The following ACSBG2 variants were observed in gnomAD, a reference collection of about 807,000 sequenced individuals.
ACSBG2 encodes long-chain-fatty-acid--CoA ligase ACSBG2.
In ACSBG2, 62 loss-of-function variants were observed where a neutral mutation model predicts 74.7. The ratio of observed to expected loss-of-function variants is 0.83; its 90% confidence interval spans 0.68 to 1.03. The LOEUF is 1.03. ACSBG2 is among the 50% of genes least tolerant of loss of function. The probability of loss-of-function intolerance (pLI) is 0.00; values close to 1 mark genes in which losing one functional copy is unlikely to be tolerated. For missense variants in ACSBG2, 730 were observed against 817.6 expected, an observed-to-expected ratio of 0.89 and a Z score of 1.31; for synonymous variants, 309 against 294.1, an observed-to-expected ratio of 1.05 and a Z score of -0.52.
At chr19:6,156,650 A>G in intron 5 of ACSBG2, 99 bp downstream of exon 5, 2 of 1,306,280 alleles carry the variant, frequency 1.5e-6, no homozygotes, top group Non-Finnish European at 2.0e-6. Flanking sequence ...TAATGATAAG[A>G]TAGGGCCATG....
In ACSBG2 at chr19:6,152,323, G is replaced by A. The variant is rs1600038199; in HGVS notation, c.386+528G>A. ...TTTTGAGACGGAGTCTCGCTCTGTC[G>A]CCCAGGCCGGACTGCGGACTGCAGT... On this transcript the variant is annotated intron_variant, in intron 4 of 14. Coordinates refer to ENST00000588485, the MANE Select transcript of ACSBG2 (RefSeq NM_030924.5). 1.4e-4 allele frequency among the ~76,000 whole-genome samples: 3 copies of A among 21,730 alleles called. 1 individual carries two copies. Among genetic ancestry groups the A allele is most frequent in the African/African-American group, 2.1e-4 (2 of 9,386 alleles). 14.3% of individuals were successfully genotyped at this position (21,730 alleles called of 152,430 possible).
rs1391020230 is a variant in ACSBG2 at position 6,180,216 on chromosome 19, T to G, written c.907-2535T>G. On this transcript the variant is annotated intron_variant, in intron 8 of 14. Transcript: ENST00000588485. This position sits in a 1 kb window ranked among gnomAD's most constrained non-coding sequence, Gnocchi z 4.3. ...CTTAATCCCATCTACAAAGTCCCTT[T>G]TGCCATGAAAGATTACATATTCACA... Among the ~76,000 whole-genome samples the G allele has an allele frequency of 6.6e-6, 1 of 152,134 alleles. No homozygotes were observed. The highest frequency in any genetic ancestry group is 2.4e-5 in the African/African-American group (1 of 41,424).
intron 3 of ACSBG2, among the ~76,000 whole-genome samples, chr19:6,151,036 C>T (rs1056383314): frequency 6.3e-4 from 95 of 151,218 alleles, no homozygotes; most frequent in Admixed American, 3.3e-3. Flanking sequence ...ATCGCTTGAA[C>T]CCAGGAGACG....
At chr19:6,143,383 C>CAA (rs56118743) in intron 2 of ACSBG2, among the ~76,000 whole-genome samples, 8 of 150,234 alleles carry the variant, frequency 5.3e-5, no homozygotes, top group Non-Finnish European at 7.4e-5. Flanking sequence ...GACTCTGTCT[C>CAA]AAAAAAACAA....
At position 6,182,802 on chromosome 19, in the gene ACSBG2, G is replaced by A. The variant is rs780871830; in HGVS notation, c.958G>A (p.Val320Met). 4 of 1,614,068 alleles carry A rather than the reference G, an allele frequency of 2.5e-6. No homozygotes were observed. The African/African-American group carries it at 4.0e-5, about 16-fold the overall frequency. ...GGTAAAACCTACTGTCTTCATTGGA[G>A]TGCCTCAAATTTGGGAGAAGATACA... ...KEVKPTVFIG[V>M]PQIWEKIHEM... Residue 320 changes from valine (V) to methionine (M), a missense_variant, in exon 9 of 15, where the codon GTG becomes ATG. Transcript: ENST00000588485.
intron 7 of ACSBG2, chr19:6,175,738 A>G (rs1035279738): frequency 6.6e-6 from 1 of 152,240 alleles, no homozygotes; most frequent in Non-Finnish European, 1.5e-5. Context: ...TGACAAAATT[A>G]TAGGTACACT....
intron 3 of ACSBG2, among the ~76,000 whole-genome samples, chr19:6,149,665 C>T (rs893258678): frequency 1.3e-5 from 2 of 152,108 alleles, no homozygotes; most frequent in Non-Finnish European, 1.5e-5. Flanking sequence ...TGCTGCCACG[C>T]CCGGCTAATT....
chr19:6,140,223 T>TAAAA (rs1599979553), intron 1 of ACSBG2, among the ~76,000 whole-genome samples: 1 of 36,096 alleles, frequency 2.8e-5, no homozygotes, highest in Non-Finnish European at 7.8e-5. Flanking sequence ...AGACTCCGTC[T>TAAAA]CAAAAAAAAA....
intron 13 of ACSBG2, 89 bp from the exon 14 acceptor site, chr19:6,190,495 A>G (rs2090531669): frequency 8.7e-7 from 1 of 1,143,492 alleles, no homozygotes; most frequent in Non-Finnish European, 1.3e-6. Context: ...GCCTAGCCCC[A>G]GGCATGGGAC....
At chr19:6,159,949 G>A (rs1019668889) in intron 5 of ACSBG2, among the ~76,000 whole-genome samples, 2 of 152,218 alleles carry the variant, frequency 1.3e-5, no homozygotes, top group Middle Eastern at 3.4e-3. Context: ...GCTGCTATAC[G>A]GGCTTCTGCC....
intron 1 of ACSBG2, among the ~76,000 whole-genome samples, chr19:6,137,941 ACC>A (rs1215441861): frequency 1.3e-5 from 2 of 152,210 alleles, no homozygotes; most frequent in African/African-American, 4.8e-5. Flanking sequence ...GGCATGAGCC[ACC>A]ATGCTTGGCA....
chr19:6,151,809 C>T lies in ACSBG2; in HGVS notation c.386+14C>T. 6.3e-7 allele frequency: 1 copy of T among 1,579,046 alleles called. No homozygotes were observed. Among genetic ancestry groups the T allele is most frequent in the Non-Finnish European group, 8.6e-7 (1 of 1,161,514 alleles). On this transcript the variant is annotated intron_variant, in intron 4 of 14. Coordinates refer to ENST00000588485, the MANE Select transcript of ACSBG2 (RefSeq NM_030924.5). Reference sequence around the variant, plus strand: ...CATCCTAGCCGGGTAAGGTCATTGGCTTGGTTCATGGTGAGGGTTAAGGAG... The same window carrying T: ...CATCCTAGCCGGGTAAGGTCATTGGTTTGGTTCATGGTGAGGGTTAAGGAG...
At chr19:6,156,320 G>A in intron 4 of ACSBG2, 111 bp from the exon 5 acceptor site, 2 of 1,214,044 alleles carry the variant, frequency 1.6e-6, no homozygotes, top group Non-Finnish European at 2.2e-6. Context: ...TGGTGCTGTG[G>A]CTGCAAACTT....
chr19:6,171,296 G>A (rs1284331172), intron 7 of ACSBG2, among the ~76,000 whole-genome samples: 1 of 152,000 alleles, frequency 6.6e-6, no homozygotes, highest in East Asian at 1.9e-4. Context: ...TGATTGTTTA[G>A]TTGCTTTATA....
Position 6,187,616 on chromosome 19 carries a change from G to A in ACSBG2, c.1698G>A (p.Met566Ile). 2 of 1,614,104 alleles carry A rather than the reference G, an allele frequency of 1.2e-6. No individual in the cohort carries two copies. Among genetic ancestry groups the A allele is most frequent in the African/African-American group, 2.7e-5 (2 of 75,002 alleles). ...LLTLKCEMNQMSGEPLDKLNF... is the reference protein window; with the variant it reads ...LLTLKCEMNQISGEPLDKLNF... ...GGGGGCAGTGTGAGATGAATCAGAT[G>A]AGCGGAGAACCTCTGGACAAGCTGA... Residue 566 changes from methionine to isoleucine, a missense_variant, in exon 13 of 15, where the codon ATG becomes ATA. Coordinates refer to ENST00000588485, the MANE Select transcript of ACSBG2 (RefSeq NM_030924.5).
chr19:6,187,584 G>C lies in ACSBG2; in HGVS notation c.1681-15G>C, dbSNP rs554798103. 7 of 1,613,818 alleles carry C rather than the reference G, an allele frequency of 4.3e-6. No individual in the cohort carries two copies. The highest frequency in any genetic ancestry group is 5.9e-6 in the Non-Finnish European group (7 of 1,179,938). On this transcript the variant is annotated splice_polypyrimidine_tract_variant and intron_variant, in intron 12 of 14. Transcript: ENST00000588485. ...GTCAAGGAGCATGGGTGGTGACAGAGGTGTCTGGGGGCAGTGTGAGATGAA... is the reference window on the plus strand; with the variant it reads ...GTCAAGGAGCATGGGTGGTGACAGACGTGTCTGGGGGCAGTGTGAGATGAA...
chr19:6,163,121 A>AAATAATAAT lies in ACSBG2; in HGVS notation c.588+1863_588+1871dup, dbSNP rs71917482. Among the ~76,000 whole-genome samples, 414 of 122,836 alleles carry AAATAATAAT rather than the reference A, an allele frequency of 3.4e-3. 3 individuals are homozygous for AAATAATAAT. The highest frequency in any genetic ancestry group is 4.8e-3 in the Non-Finnish European group (284 of 58,676). 80.6% of individuals were successfully genotyped at this position (122,836 alleles called of 152,430 possible). A position where few individuals can be genotyped will look rare whatever the true frequency, so the allele number is the denominator to read the frequency against. On this transcript the variant is annotated intron_variant, in intron 6 of 14. Coordinates refer to ENST00000588485, the MANE Select transcript of ACSBG2 (RefSeq NM_030924.5). ...GAAACCCTGTCTCTACTAAAAATAC[A>AAATAATAAT]AATAATAATAATAATAATAATAATA...
rs1161944531 is a variant in ACSBG2, at chr19:6,182,837, G to C, written c.993G>C (p.Val331=). 1 of 1,614,204 alleles carries C rather than the reference G, an allele frequency of 6.2e-7. No homozygotes were observed. Among genetic ancestry groups the C allele is most frequent in the Non-Finnish European group, 8.5e-7 (1 of 1,180,046 alleles). The change falls in exon 9 of 15, where the codon GTG becomes GTC. Residue 331 remains valine, a synonymous_variant. Transcript: ENST00000588485. The part of the protein sequence containing the change: ...PQIWEKIHEM[V]KKNSAKSMGL... ...TTTGGGAGAAGATACATGAGATGGT[G>C]AAGAAAAATAGTGCCAAGTCCATGG...
At chr19:6,145,516 A>G (rs1056029294) in intron 2 of ACSBG2, among the ~76,000 whole-genome samples, 2 of 151,708 alleles carry the variant, frequency 1.3e-5, no homozygotes, top group African/African-American at 4.8e-5. Context: ...ATTGCCATCT[A>G]CCACCTCCCC....
Sources: allele counts gnomAD v4.1 joint callset (sites outside exome capture counted in the v4.1 genomes callset), GRCh38; gene constraint gnomAD v4.1.1; non-coding constraint Gnocchi (gnomAD v3.1); transcripts MANE v1.5; gene names NCBI Gene and HGNC (gene_info 2026-07-23, HGNC 2026-07-21).